Variants in CHODL observed in about 807,000 individuals in gnomAD.
CHODL encodes the protein chondrolectin.
Under a neutral mutation model 34.5 loss-of-function variants are expected in CHODL, and 29 were observed. The ratio of observed to expected loss-of-function variants is 0.84; its 90% CI spans 0.63 to 1.15. The LOEUF is 1.15. Among genes scored for constraint, CHODL ranks in the 50% most tolerant of loss-of-function variants. The pLI is 0.00. For missense variants in CHODL, 332 were observed against 332.5 expected (o/e 1.00, Z 0.01); for synonymous variants, 125 against 116.1 (o/e 1.08, Z -0.49).
intron 1 of CHODL, among the ~76,000 whole-genome samples, chr21:17,937,193 A>G (rs768596226): frequency 6.6e-6 from 1 of 152,154 alleles, no homozygotes; most frequent in Non-Finnish European, 1.5e-5. Context: ...CCAGAGCATC[A>G]GTTTTCCACT....
chr21:17,942,343 G>T (rs754770614), intron 1 of CHODL, among the ~76,000 whole-genome samples: 2 of 151,844 alleles, frequency 1.3e-5, no homozygotes, highest in African/African-American at 2.4e-5. Flanking sequence ...GGTCTTTTCT[G>T]GGCTAAACTC....
At chr21:18,195,853 A>G (rs2073581461) in intron 2 of CHODL, among the ~76,000 whole-genome samples, 1 of 152,210 alleles carries the variant, frequency 6.6e-6, no homozygotes, top group Non-Finnish European at 1.5e-5. Context: ...TAAATAAATC[A>G]GTCTTTTTTT....
chr21:17,994,109 T>C (rs893156803), intron 1 of CHODL, among the ~76,000 whole-genome samples: 3 of 152,076 alleles, frequency 2.0e-5, no homozygotes, highest in African/African-American at 7.3e-5. Context: ...TCTATTGAGT[T>C]CTGCTCTGAT....
chr21:17,945,170 C>G (rs1029994927), intron 1 of CHODL, among the ~76,000 whole-genome samples: 3 of 149,940 alleles, frequency 2.0e-5, no homozygotes, highest in Non-Finnish European at 4.4e-5. Context: ...CGAGATCGCT[C>G]CACTGCACTC....
intron 2 of CHODL, among the ~76,000 whole-genome samples, chr21:18,162,443 T>TTCTC (rs1439390698): frequency 2.0e-4 from 29 of 148,264 alleles, no homozygotes; most frequent in Non-Finnish European, 4.2e-4. Context: ...CTCTTTCTCT[T>TTCTC]TCTCTCTCTC....
At chr21:17,953,621 T>G (rs193268630) in intron 1 of CHODL, among the ~76,000 whole-genome samples, 24 of 152,328 alleles carry the variant, frequency 1.6e-4, no homozygotes, top group Admixed American at 8.5e-4. Context: ...AAAACCTGAC[T>G]ACATAAATAA....
At chr21:18,100,638 A>C (rs1275535075) in intron 2 of CHODL, among the ~76,000 whole-genome samples, 1 of 152,114 alleles carries the variant, frequency 6.6e-6, no homozygotes, top group Non-Finnish European at 1.5e-5. Context: ...ACAGAGGTGG[A>C]TGGGTAGAAG....
rs1279066616 is a variant in CHODL, at chr21:17,954,693, C to T, written c.-145+37293C>T. On this transcript the variant is annotated intron_variant, in intron 1 of 6. Coordinates refer to the CHODL transcript ENST00000400127. ...TCTGTTGTTTCTCAGGCTTCAGACT[C>T]AGGCTGGAAGTACACCACCAGCTTT... 5.2e-5 allele frequency among the ~76,000 whole-genome samples: 7 copies of T among 133,896 alleles called. 2 individuals carry two copies. The highest frequency in any genetic ancestry group is 1.0e-4 in the Non-Finnish European group (6 of 59,224). The allele number at this position is 133,896 out of a possible 152,430, so 87.8% of individuals were successfully genotyped here.
chr21:17,944,587 C>A (rs2063390584), intron 1 of CHODL, among the ~76,000 whole-genome samples: 1 of 152,158 alleles, frequency 6.6e-6, no homozygotes, highest in Non-Finnish European at 1.5e-5. Flanking sequence ...CAACCTGCAG[C>A]CATGCCCAAC....
intron 5 of CHODL, among the ~76,000 whole-genome samples, chr21:18,264,804 C>T (rs1434417197): frequency 6.6e-6 from 1 of 151,916 alleles, no homozygotes; most frequent in Non-Finnish European, 1.5e-5. Context: ...AACTCAGAAA[C>T]TGTTATGTTA....
chr21:18,014,456 A>G (rs1433494507), intron 1 of CHODL, among the ~76,000 whole-genome samples: 2 of 152,218 alleles, frequency 1.3e-5, no homozygotes, highest in African/African-American at 2.4e-5. Flanking sequence ...ACTGGAAACA[A>G]TAGATACTAT....
intron 1 of CHODL, among the ~76,000 whole-genome samples, chr21:18,027,155 T>C (rs2064185378): frequency 6.6e-6 from 1 of 152,008 alleles, no homozygotes; most frequent in African/African-American, 2.4e-5. Flanking sequence ...ATGCCTCTCA[T>C]TCTAGCTACT....
chr21:18,167,339 T>A (rs1039187052), intron 2 of CHODL, among the ~76,000 whole-genome samples: 1 of 141,714 alleles, frequency 7.1e-6, no homozygotes, highest in African/African-American at 2.7e-5. Context: ...AGACGGAGTC[T>A]TGCTCTGTCA....
chr21:18,232,942 G>GAGATAT (rs936769353), intron 2 of CHODL, among the ~76,000 whole-genome samples: 1 of 119,424 alleles, frequency 8.4e-6, no homozygotes, highest in Non-Finnish European at 1.7e-5. Context: ...ATGATGTTAT[G>GAGATAT]ATATATATAT....
At chr21:18,133,525 T>A (rs1457407375) in intron 2 of CHODL, among the ~76,000 whole-genome samples, 3 of 152,166 alleles carry the variant, frequency 2.0e-5, no homozygotes, top group Admixed American at 2.0e-4. Flanking sequence ...ATATCTTGTA[T>A]CCACTTTTAT....
intron 1 of CHODL, among the ~76,000 whole-genome samples, chr21:17,976,376 T>A (rs959210302): frequency 1.3e-5 from 2 of 152,012 alleles, no homozygotes; most frequent in African/African-American, 4.8e-5. Context: ...GATAATGGAT[T>A]CTTTTCATTT....
At chr21:18,070,018 C>CCTTCCCTTCCCTTCCCTTCCCTTCT (rs2064780017) in intron 2 of CHODL, among the ~76,000 whole-genome samples, 1 of 76,064 alleles carries the variant, frequency 1.3e-5, no homozygotes, top group African/African-American at 4.2e-5. Flanking sequence ...CCTTCCCTTC[C>CCTTCCCTTCCCTTCCCTTCCCTTCT]CTTCCCTCCC....
At chr21:18,233,358 T>G (rs1182959718) in intron 2 of CHODL, among the ~76,000 whole-genome samples, 1 of 152,110 alleles carries the variant, frequency 6.6e-6, no homozygotes, top group East Asian at 1.9e-4. Context: ...TCCACCCTTT[T>G]GCTGTGTGTA....
At chr21:18,107,225 A>G (rs147759675) in intron 2 of CHODL, among the ~76,000 whole-genome samples, 1 of 152,340 alleles carries the variant, frequency 6.6e-6, no homozygotes, top group African/African-American at 2.4e-5. Flanking sequence ...TGGAAGCTTA[A>G]TCAGATGGTT....
Sources: allele counts gnomAD v4.1 joint callset (sites outside exome capture counted in the v4.1 genomes callset), GRCh38; gene constraint gnomAD v4.1.1; transcripts MANE v1.5; gene names NCBI Gene and HGNC (gene_info 2026-07-23, HGNC 2026-07-21).